The following NRXN3 variants were observed in gnomAD, a reference collection of about 807,000 sequenced individuals.
The protein encoded by NRXN3 is neurexin 3.
In NRXN3, 32 loss-of-function variants were observed where a neutral mutation model predicts 137.6. The ratio of observed to expected loss-of-function variants is 0.23; its 90% CI spans 0.18 to 0.31. NRXN3 has a LOEUF of 0.31. Among genes scored for constraint, NRXN3 ranks in the 10% least tolerant of loss-of-function variants. The pLI, the probability that NRXN3 is intolerant of heterozygous loss-of-function variation, is 1.00. For missense variants in NRXN3, 1,574 were observed against 2,062.5 expected (o/e 0.76, Z 4.59); for synonymous variants, 798 against 784.5 (o/e 1.02, Z -0.29).
intron 15 of NRXN3, among the ~76,000 whole-genome samples, chr14:79,206,460 C>T (rs1303976587): frequency 6.6e-6 from 1 of 152,148 alleles, no homozygotes; most frequent in Admixed American, 6.5e-5. Flanking sequence ...TCCATCATCT[C>T]TTCTTGACTA....
chr14:78,530,253 C>G (rs2153810762), intron 4 of NRXN3, among the ~76,000 whole-genome samples: 1 of 152,290 alleles, frequency 6.6e-6, no homozygotes, highest in East Asian at 1.9e-4. Flanking sequence ...ATTTTCAGCA[C>G]CGTGGACAGA....
intron 10 of NRXN3, among the ~76,000 whole-genome samples, chr14:78,853,616 A>G (rs1358225389): frequency 6.6e-6 from 1 of 152,212 alleles, no homozygotes; most frequent in African/African-American, 2.4e-5. Flanking sequence ...AAATACGTGT[A>G]TTACATTCAA....
intron 14 of NRXN3, among the ~76,000 whole-genome samples, chr14:78,987,511 TA>T (rs1266266362): frequency 7.3e-6 from 1 of 136,648 alleles, no homozygotes; most frequent in Non-Finnish European, 1.7e-5. Context: ...TGTTGGCTGC[TA>T]AATCCTCCTT....
At chr14:79,721,651 T>C (rs1018107842) in intron 19 of NRXN3, among the ~76,000 whole-genome samples, 1 of 152,056 alleles carries the variant, frequency 6.6e-6, no homozygotes, top group African/African-American at 2.4e-5. Context: ...GAAAATGACA[T>C]TATGGGCTAT....
chr14:79,423,169 T>C (rs1160450966), intron 15 of NRXN3, among the ~76,000 whole-genome samples: 1 of 152,174 alleles, frequency 6.6e-6, no homozygotes, highest in African/African-American at 2.4e-5. Flanking sequence ...TGGCCAGGGG[T>C]AAAATGCCCT....
chr14:78,493,895 A>G (rs2095715763), intron 4 of NRXN3, among the ~76,000 whole-genome samples: 1 of 152,224 alleles, frequency 6.6e-6, no homozygotes, highest in African/African-American at 2.4e-5. Context: ...ATTTAAAAAC[A>G]GTGCCAGCAT....
At chr14:78,251,376 G>A (rs61051664) in intron 2 of NRXN3, among the ~76,000 whole-genome samples, 6,734 of 152,216 alleles carry the variant, frequency 0.044, 469 homozygotes, top group African/African-American at 0.15. Flanking sequence ...TAAGCCTTTC[G>A]TACATTCTCA....
chr14:79,059,973 T>C (rs2099672190), intron 15 of NRXN3, among the ~76,000 whole-genome samples: 1 of 152,184 alleles, frequency 6.6e-6, no homozygotes, highest in South Asian at 2.1e-4. Context: ...GTTTGCAGGT[T>C]TGGGGAAACA....
At chr14:79,537,283 C>T (rs1332047627) in intron 16 of NRXN3, among the ~76,000 whole-genome samples, 2 of 151,140 alleles carry the variant, frequency 1.3e-5, no homozygotes, top group African/African-American at 4.8e-5. Context: ...CTGTTCGTGT[C>T]CTTTGCCCAC....
Position 79,253,135 on chromosome 14 carries a change from G to C in NRXN3, c.3263-214086G>C, listed in dbSNP as rs181531073. ...TTGAAACTGGTTCTGAACATTCCTAGATCTGTTCTCCTGCCTTGTCTGTGT... is the reference window on the plus strand; with the variant it reads ...TTGAAACTGGTTCTGAACATTCCTACATCTGTTCTCCTGCCTTGTCTGTGT... On this transcript the variant is annotated intron_variant, in intron 15 of 20. Coordinates refer to ENST00000335750, the MANE Select transcript of NRXN3 (RefSeq NM_001330195.2). 2.5e-4 allele frequency among the ~76,000 whole-genome samples: 38 copies of C among 152,294 alleles called. 1 individual carries two copies. The South Asian group carries it at 5.8e-3, about 23-fold the overall frequency.
chr14:78,539,711 A>G (rs1266596549), intron 4 of NRXN3, among the ~76,000 whole-genome samples: 4 of 152,158 alleles, frequency 2.6e-5, no homozygotes, highest in Admixed American at 1.3e-4. Flanking sequence ...TAGGGTGTCG[A>G]TTATAGATCC....
intron 15 of NRXN3, among the ~76,000 whole-genome samples, chr14:79,418,437 C>G (rs2574751): frequency 0.32 from 47,969 of 151,956 alleles, 8,240 homozygotes; most frequent in Middle Eastern, 0.53. Context: ...AATTTTAAGG[C>G]GTTAAAACCA....
chr14:78,776,401 T>C (rs979455793), intron 8 of NRXN3, among the ~76,000 whole-genome samples: 6 of 152,156 alleles, frequency 3.9e-5, no homozygotes, highest in African/African-American at 1.2e-4. Context: ...TCCTTCTAAA[T>C]GGTCTCGTAA....
intron 15 of NRXN3, among the ~76,000 whole-genome samples, chr14:79,024,638 G>A (rs560877725): frequency 1.3e-5 from 2 of 152,224 alleles, no homozygotes; most frequent in Non-Finnish European, 2.9e-5. Flanking sequence ...TTTCTTGCTA[G>A]GATCTGTAGA....
intron 16 of NRXN3, among the ~76,000 whole-genome samples, chr14:79,604,225 TG>T (rs2097967046): frequency 6.7e-6 from 1 of 148,584 alleles, no homozygotes. Context: ...GGTTTTTCTT[TG>T]TTTTTTGTTT....
chr14:78,529,687 T>A (rs993756394), intron 4 of NRXN3, among the ~76,000 whole-genome samples: 2 of 152,198 alleles, frequency 1.3e-5, no homozygotes, highest in African/African-American at 4.8e-5. Context: ...ATTACAGCAT[T>A]TTCTAACCCT....
chr14:78,767,379 C>T (rs2098712397), intron 8 of NRXN3, among the ~76,000 whole-genome samples: 1 of 152,190 alleles, frequency 6.6e-6, no homozygotes, highest in Non-Finnish European at 1.5e-5. Context: ...CATCCTATCA[C>T]CTTTGCCCCA....
In NRXN3 at chr14:79,316,992, A is replaced by T. The variant is rs2088905328; in HGVS notation, c.3263-150229A>T. On this transcript the variant is annotated intron_variant, in intron 15 of 20. Coordinates refer to ENST00000335750, the MANE Select transcript of NRXN3 (RefSeq NM_001330195.2). ...ACACCTGTAATCCCAGCACTTTGGG[A>T]GGCTGAGGCAGGCAGATCACTTGAG... Among the ~76,000 whole-genome samples, 4 of 152,102 alleles carry T rather than the reference A, an allele frequency of 2.6e-5. No individual in the cohort carries two copies. The South Asian group carries it at 8.3e-4, about 32-fold the overall frequency.
chr14:78,944,008 T>C (rs976020021), intron 10 of NRXN3, among the ~76,000 whole-genome samples: 24 of 151,844 alleles, frequency 1.6e-4, no homozygotes, highest in Non-Finnish European at 3.1e-4. Flanking sequence ...CATTCCAGAG[T>C]TTCCTTGTGA....
Sources: allele counts gnomAD v4.1 joint callset (sites outside exome capture counted in the v4.1 genomes callset), GRCh38; gene constraint gnomAD v4.1.1; transcripts MANE v1.5; gene names NCBI Gene and HGNC (gene_info 2026-07-23, HGNC 2026-07-21).